Variants in VASP observed in about 807,000 individuals in gnomAD.
VASP encodes vasodilator-stimulated phosphoprotein.
VASP carries 27 observed loss-of-function variants against 54.4 expected under a neutral mutation model. That is an observed-to-expected ratio of 0.50 (90% CI 0.37 to 0.68). The LOEUF (loss-of-function observed/expected upper bound fraction) is 0.68. Among genes scored for constraint, VASP ranks in the 30% least tolerant of loss-of-function variants. The pLI is 0.00. For synonymous variants in VASP, 233 were observed against 209.8 expected, an observed-to-expected ratio of 1.11 and a Z score of -0.96; for missense variants, 488 against 528.3, an observed-to-expected ratio of 0.92 and a Z score of 0.75.
intron 3 of VASP, among the ~76,000 whole-genome samples, chr19:45,520,192 C>T (rs117192312): frequency 0.01 from 1,578 of 152,264 alleles, 13 homozygotes; most frequent in Non-Finnish European, 0.017. Flanking sequence ...GCGAGTCACG[C>T]GCCCAGCCCA....
intron 10 of VASP, 146 bp downstream of exon 10, chr19:45,524,288 G>A: frequency 1.1e-6 from 1 of 948,310 alleles, no homozygotes; most frequent in Non-Finnish European, 1.6e-6. Flanking sequence ...TGTGGTCCCA[G>A]CTACTCAGGA....
At chr19:45,508,938 CT>C (rs912558972) in intron 1 of VASP, among the ~76,000 whole-genome samples, 15 of 152,220 alleles carry the variant, frequency 9.9e-5, no homozygotes, top group African/African-American at 3.6e-4. Flanking sequence ...CTTCCCTCCC[CT>C]GGCCCCCCAT....
intron 1 of VASP, among the ~76,000 whole-genome samples, chr19:45,515,996 C>G (rs1336736072): frequency 1.3e-5 from 2 of 152,156 alleles, no homozygotes; most frequent in Non-Finnish European, 2.9e-5. Context: ...GGATTTGAAC[C>G]CAGGTCTGGG....
chr19:45,513,538 A>G lies in VASP; in HGVS notation c.6-4125A>G, dbSNP rs181493811. On this transcript the variant is annotated intron_variant, in intron 1 of 12. Transcript: ENST00000245932. ...CCAGACTGGAGTGCAGTGGTCTGAG[A>G]TCGGCTCACTGCAACTGCCTCCTGG... Among the ~76,000 whole-genome samples the G allele has an allele frequency of 2.5e-4, 34 of 137,292 alleles. No individual in the cohort carries two copies. The East Asian group carries it at 7.2e-3, about 29-fold the overall frequency. 90.1% of individuals were successfully genotyped at this position (137,292 alleles called of 152,430 possible).
At chr19:45,512,505 C>T (rs1004486644) in intron 1 of VASP, among the ~76,000 whole-genome samples, 1 of 151,978 alleles carries the variant, frequency 6.6e-6, no homozygotes, top group African/African-American at 2.4e-5. Context: ...TCAGGCTGGT[C>T]TCAAACTCCT....
At chr19:45,524,718 C>A in intron 11 of VASP, 58 bp downstream of exon 11, 1 of 1,509,318 alleles carries the variant, frequency 6.6e-7, no homozygotes, top group Non-Finnish European at 9.2e-7. Context: ...TGGCCCCTGC[C>A]ACTGGCATGC....
rs746050133 is a variant in VASP at position 45,518,081 on chromosome 19, A to G, written c.330A>G (p.Leu110=). The stretch of plus-strand genomic sequence containing the variant: ...TTGCCGCCGGCATGGCCAGTGCCCT[A>G]GAGGCGTTGGAAGGTCAGAAATGGC... The part of the protein sequence containing the change: ...AQFAAGMASA[L]EALEGGGPPP... Residue 110 remains leucine, a synonymous_variant, in exon 3 of 13, where the codon CTA becomes CTG. Coordinates refer to ENST00000245932, the MANE Select transcript of VASP (RefSeq NM_003370.4). The G allele has an allele frequency of 2.5e-6, 4 of 1,613,304 alleles. No individual in the cohort carries two copies. The highest frequency in any genetic ancestry group is 2.2e-5 in the East Asian group (1 of 44,898).
intron 3 of VASP, among the ~76,000 whole-genome samples, chr19:45,519,746 C>T (rs577933905): frequency 6.6e-6 from 1 of 150,818 alleles, no homozygotes; most frequent in African/African-American, 2.5e-5. Flanking sequence ...CAGGCACCCG[C>T]CACCACATCC....
chr19:45,524,478 G>A, intron 10 of VASP, 92 bp from the exon 11 acceptor site: 2 of 1,313,962 alleles, frequency 1.5e-6, no homozygotes, highest in Non-Finnish European at 1.1e-6. Context: ...AATTTATAAG[G>A]CAGAGCTCAA....
intron 1 of VASP, among the ~76,000 whole-genome samples, chr19:45,508,191 G>A (rs754543219): frequency 1.3e-4 from 20 of 152,102 alleles, no homozygotes; most frequent in Admixed American, 2.6e-4. Flanking sequence ...GATACCCTGG[G>A]ACTTGGAAGA....
chr19:45,511,055 C>T (rs1362332024), intron 1 of VASP, among the ~76,000 whole-genome samples: 1 of 151,474 alleles, frequency 6.6e-6, no homozygotes, highest in Non-Finnish European at 1.5e-5. Context: ...CCAAATGAAA[C>T]CGAAGCTGCA....
rs57222956 is a variant in VASP, at chr19:45,519,922, T to TTTTTTTTA, written c.344-1400_344-1399insTTTTTTTA. ...TTTTTTTTTTTTTTTTTTTTTTTTTTAATATGGAGTCTCACTCTGTCTCTC... is the reference window on the plus strand; with the variant it reads ...TTTTTTTTTTTTTTTTTTTTTTTTTTTTTTTTTAAATATGGAGTCTCACTCTGTCTCTC... On this transcript the variant is annotated intron_variant, in intron 3 of 12. Coordinates refer to ENST00000245932, the MANE Select transcript of VASP (RefSeq NM_003370.4). Among the ~76,000 whole-genome samples the TTTTTTTTA allele has an allele frequency of 5.2e-3, 532 of 102,312 alleles. 50 individuals are homozygous for TTTTTTTTA. The highest frequency in any genetic ancestry group is 8.0e-3 in the Non-Finnish European group (434 of 54,058). 67.1% of individuals were successfully genotyped at this position (102,312 alleles called of 152,430 possible). A position where few individuals can be genotyped will look rare whatever the true frequency, so the allele number is the denominator to read the frequency against.
chr19:45,525,909 T>A (rs775345674), intron 11 of VASP, 37 bp from the exon 12 acceptor site: 1 of 1,587,102 alleles, frequency 6.3e-7, no homozygotes, highest in East Asian at 2.2e-5. Context: ...CAAGTCCCGG[T>A]ACCCCCTCCT....
At chr19:45,518,144 CT>C in intron 3 of VASP, 50 bp downstream of exon 3, 2 of 1,582,038 alleles carry the variant, frequency 1.3e-6, no homozygotes, top group Non-Finnish European at 1.7e-6. Context: ...GCTGTGTGGC[CT>C]GGGGCTGCCG....
Position 45,517,783 on chromosome 19 carries a change from C to T in VASP, c.126C>T (p.Pro42=). 6.2e-7 allele frequency: 1 copy of T among 1,613,962 alleles called. No individual in the cohort carries two copies. The change falls in exon 2 of 13, where the codon CCC becomes CCT. Residue 42 remains proline (P), a synonymous_variant. Transcript: ENST00000245932. ...AFSRVQIYHN[P]TANSFRVVGR... ...GCCGCGTCCAGATCTACCACAACCC[C>T]ACGGCCAATTCCTTTCGCGTCGTGG...
chr19:45,513,468 C>CTTTTTTTTTTTTTT lies in VASP; in HGVS notation c.6-4187_6-4174dup, dbSNP rs71173173. ...CATCTTGCCCAAGCTAGTCTCTCTC[C>CTTTTTTTTTTTTTT]TTTTTTTTTTTTTTTTTTTTTGAGA... On this transcript the variant is annotated intron_variant, in intron 1 of 12. Transcript: ENST00000245932. Among the ~76,000 whole-genome samples, 67 of 92,780 alleles carry CTTTTTTTTTTTTTT rather than the reference C, an allele frequency of 7.2e-4. 5 individuals carry two copies. The highest frequency in any genetic ancestry group is 2.6e-3 in the East Asian group (8 of 3,100). 60.9% of individuals were successfully genotyped at this position (92,780 alleles called of 152,430 possible).
Position 45,522,610 on chromosome 19 carries a change from G to A in VASP, c.720+29G>A, listed in dbSNP as rs1427354188. ...AGGGGCCGGGAGAGGTGGGCAGGGGGCAACAGGGCTTTTATGGGGGATGAG... is the reference window on the plus strand; with the variant it reads ...AGGGGCCGGGAGAGGTGGGCAGGGGACAACAGGGCTTTTATGGGGGATGAG... On this transcript the variant is annotated intron_variant, in intron 6 of 12. Transcript: ENST00000245932. 9 of 1,502,778 alleles carry A rather than the reference G, an allele frequency of 6.0e-6. No individual in the cohort carries two copies. In the South Asian group the frequency reaches 1.1e-4, roughly 18 times the overall value. 93.1% of individuals were successfully genotyped at this position (1,502,778 alleles called of 1,614,324 possible).
chr19:45,525,481 G>T (rs1456139416), intron 11 of VASP, among the ~76,000 whole-genome samples: 1 of 151,978 alleles, frequency 6.6e-6, no homozygotes, highest in Non-Finnish European at 1.5e-5. Flanking sequence ...GACGGATCAC[G>T]TGAAGTCAAA....
At position 45,525,912 on chromosome 19, in the gene VASP, C is replaced by G. The variant is rs760332185; in HGVS notation, c.1048-34C>G. On this transcript the variant is annotated intron_variant, in intron 11 of 12. Transcript: ENST00000245932. ...GATTCATTCCTGCAAGTCCCGGTACCCCCTCCTGATTAGTTTTACCCCATT... is the reference window on the plus strand; with the variant it reads ...GATTCATTCCTGCAAGTCCCGGTACGCCCTCCTGATTAGTTTTACCCCATT... 3.8e-6 allele frequency: 6 copies of G among 1,593,202 alleles called. No homozygotes were observed. In the South Asian group the frequency reaches 6.8e-5, roughly 18 times the overall value.
Sources: allele counts gnomAD v4.1 joint callset (sites outside exome capture counted in the v4.1 genomes callset), GRCh38; gene constraint gnomAD v4.1.1; transcripts MANE v1.5; gene names NCBI Gene and HGNC (gene_info 2026-07-23, HGNC 2026-07-21).